The following SUGCT variants were observed in gnomAD, a reference collection of about 807,000 sequenced individuals.
SUGCT encodes the protein succinyl-CoA:glutarate-CoA transferase.
In SUGCT, 41 loss-of-function variants were observed where a neutral mutation model predicts 55.0. The observed-to-expected ratio is 0.74, with a 90% CI of 0.58 to 0.97. SUGCT has a LOEUF of 0.97. SUGCT is among the 50% of genes least tolerant of loss of function. SUGCT has a pLI of 0.00. For synonymous variants in SUGCT, 187 were observed against 200.4 expected (o/e 0.93, Z 0.56); for missense variants, 568 against 547.8 (o/e 1.04, Z -0.37).
intron 6 of SUGCT, 81 bp from the exon 7 acceptor site, chr7:40,237,554 A>G: frequency 9.5e-7 from 1 of 1,056,052 alleles, no homozygotes; most frequent in Non-Finnish European, 1.5e-6. Context: ...TCTGGATACA[A>G]ATGTTTCTAA....
intron 9 of SUGCT, among the ~76,000 whole-genome samples, chr7:40,377,239 C>T (rs62453374): frequency 0.78 from 8,263 of 10,660 alleles, 3,756 homozygotes; most frequent in Non-Finnish European, 0.91. Context: ...TCTTCCCTTC[C>T]TTCCTTCCTT....
rs112467428 is a variant in SUGCT at position 40,821,223 on chromosome 7, A to G, written c.1154-39093A>G. Among the ~76,000 whole-genome samples the G allele has an allele frequency of 5.8e-3, 876 of 152,148 alleles. 8 individuals carry two copies. The highest frequency in any genetic ancestry group is 0.02 in the African/African-American group (818 of 41,516). On this transcript the variant is annotated intron_variant, in intron 13 of 13. Coordinates refer to ENST00000335693, the MANE Select transcript of SUGCT (RefSeq NM_001193313.2). Reference sequence around the variant, plus strand: ...TCATCAGGGATGTTTGTCTAAAATTATCTTTTTTTTGTTGTGTCTCTGCCA... The same window carrying G: ...TCATCAGGGATGTTTGTCTAAAATTGTCTTTTTTTTGTTGTGTCTCTGCCA...
the SUGCT span, among the ~76,000 whole-genome samples, chr7:40,913,103 C>T: frequency 6.6e-5 from 10 of 151,500 alleles, no homozygotes; most frequent in Middle Eastern, 3.4e-3. Context: ...CTCTGCCTCC[C>T]GGGTTCAAGT....
intron 9 of SUGCT, among the ~76,000 whole-genome samples, chr7:40,438,622 A>G (rs972137457): frequency 2.6e-5 from 4 of 152,070 alleles, no homozygotes; most frequent in Non-Finnish European, 4.4e-5. Context: ...AAAATTCTAG[A>G]CACTTGCCCT....
chr7:40,208,705 C>T (rs542079350), intron 6 of SUGCT, among the ~76,000 whole-genome samples: 3 of 152,036 alleles, frequency 2.0e-5, no homozygotes, highest in East Asian at 1.9e-4. Flanking sequence ...CCGCCATGTC[C>T]GGATAATTTT....
chr7:40,586,994 G>A (rs1797414544), intron 12 of SUGCT, among the ~76,000 whole-genome samples: 1 of 152,172 alleles, frequency 6.6e-6, no homozygotes, highest in Admixed American at 6.5e-5. Flanking sequence ...GTAACAACAT[G>A]GATGAATCAC....
At chr7:40,180,226 GGATC>G (rs1785119838) in intron 1 of SUGCT, among the ~76,000 whole-genome samples, 1 of 151,628 alleles carries the variant, frequency 6.6e-6, no homozygotes, top group African/African-American at 2.4e-5. Flanking sequence ...CGGGTTCAAA[GGATC>G]CTCCTGCCTC....
chr7:40,384,311 T>C (rs1785009251), intron 9 of SUGCT, among the ~76,000 whole-genome samples: 1 of 152,158 alleles, frequency 6.6e-6, no homozygotes, highest in South Asian at 2.1e-4. Context: ...AGTATGATGC[T>C]CAAAACATGA....
At chr7:40,242,539 C>G (rs1464927483) in intron 7 of SUGCT, among the ~76,000 whole-genome samples, 3 of 151,830 alleles carry the variant, frequency 2.0e-5, no homozygotes, top group Non-Finnish European at 4.4e-5. Context: ...GTACTAAAGC[C>G]CAACTTTGAA....
intron 9 of SUGCT, among the ~76,000 whole-genome samples, chr7:40,336,546 A>G (rs925391027): frequency 2.0e-5 from 3 of 152,118 alleles, no homozygotes; most frequent in Non-Finnish European, 4.4e-5. Context: ...AGAGGTGTTT[A>G]TAGTATTCTC....
chr7:40,600,542 A>C (rs1017387539), intron 12 of SUGCT, among the ~76,000 whole-genome samples: 3 of 152,224 alleles, frequency 2.0e-5, no homozygotes, highest in Non-Finnish European at 4.4e-5. Flanking sequence ...AATTGTAACA[A>C]GTTCTGTTCA....
chr7:40,525,982 A>G (rs1336124529), intron 12 of SUGCT, among the ~76,000 whole-genome samples: 1 of 152,094 alleles, frequency 6.6e-6, no homozygotes, highest in Non-Finnish European at 1.5e-5. Flanking sequence ...GCCTCGCTGG[A>G]CTCACTCCAG....
chr7:40,590,467 A>AAAG (rs1207663058), intron 12 of SUGCT, among the ~76,000 whole-genome samples: 1 of 152,228 alleles, frequency 6.6e-6, no homozygotes, highest in African/African-American at 2.4e-5. Context: ...GAAGTAAAGG[A>AAAG]AAGAAGCCAT....
chr7:40,988,894 GT>G, the SUGCT span, among the ~76,000 whole-genome samples: 109,619 of 151,488 alleles, frequency 0.72, 40,197 homozygotes, highest in Middle Eastern at 0.8. Flanking sequence ...AATTTTTGTA[GT>G]TTTTTTTTGT....
intron 13 of SUGCT, among the ~76,000 whole-genome samples, chr7:40,849,394 T>A (rs1323646329): frequency 6.6e-6 from 1 of 152,160 alleles, no homozygotes; most frequent in Non-Finnish European, 1.5e-5. Flanking sequence ...AGTTGAGCAA[T>A]AGTTTGTTTC....
the SUGCT span, among the ~76,000 whole-genome samples, chr7:40,926,020 G>A: frequency 6.6e-6 from 1 of 151,966 alleles, no homozygotes; most frequent in African/African-American, 2.4e-5. Context: ...CTTGAGCCAG[G>A]AGTTTGAGGT....
At chr7:40,408,192 A>G (rs1786484763) in intron 9 of SUGCT, among the ~76,000 whole-genome samples, 1 of 152,194 alleles carries the variant, frequency 6.6e-6, no homozygotes, top group South Asian at 2.1e-4. Context: ...TTAATGTATA[A>G]TGCATATATG....
chr7:40,367,297 A>G (rs1459836089), intron 9 of SUGCT, among the ~76,000 whole-genome samples: 13 of 151,604 alleles, frequency 8.6e-5, no homozygotes, highest in Non-Finnish European at 1.6e-4. Flanking sequence ...GAATAGCATT[A>G]GGAGATATAC....
At chr7:40,496,439 A>G (rs1256941349) in intron 12 of SUGCT, 53 bp downstream of exon 12, 1 of 1,224,074 alleles carries the variant, frequency 8.2e-7, no homozygotes, top group East Asian at 2.4e-5. Context: ...ATTGACTTAT[A>G]TCAAGGTACC....
Sources: gnomAD v4.1 joint callset for allele counts (sites outside exome capture counted in the v4.1 genomes callset) on GRCh38, gnomAD v4.1.1 for gene constraint, MANE v1.5 for transcripts, NCBI Gene and HGNC (gene_info 2026-07-23, HGNC 2026-07-21) for gene names.